Variants in SLC35F3 observed in about 807,000 individuals in gnomAD.
The protein encoded by SLC35F3 is putative thiamine transporter SLC35F3.
Under a neutral mutation model 49.9 loss-of-function variants are expected in SLC35F3, and 25 were observed. The ratio of observed to expected loss-of-function variants is 0.50; its 90% CI spans 0.37 to 0.70. SLC35F3 has a LOEUF of 0.70. SLC35F3 is among the 30% of genes least tolerant of loss of function. The probability of loss-of-function intolerance (pLI) is 0.00; values close to 1 mark genes in which losing one functional copy is unlikely to be tolerated. For synonymous variants in SLC35F3, 275 were observed against 265.4 expected (o/e 1.04, Z -0.35); for missense variants, 525 against 639.8 (o/e 0.82, Z 1.94).
intron 2 of SLC35F3, among the ~76,000 whole-genome samples, chr1:234,010,304 T>C (rs922783761): frequency 6.6e-6 from 1 of 152,190 alleles, no homozygotes; most frequent in East Asian, 1.9e-4. Context: ...TTATAAGATG[T>C]TTTATGTAAG....
intron 2 of SLC35F3, among the ~76,000 whole-genome samples, chr1:234,121,373 C>T (rs965610852): frequency 1.3e-4 from 20 of 151,614 alleles, no homozygotes; most frequent in African/African-American, 3.6e-4. Flanking sequence ...CTCCTGACCT[C>T]GTGATCCGCC....
chr1:233,972,196 G>A (rs1007671120), intron 2 of SLC35F3, among the ~76,000 whole-genome samples: 4 of 152,366 alleles, frequency 2.6e-5, no homozygotes, highest in African/African-American at 9.6e-5. Flanking sequence ...ATGAGCTTTG[G>A]TGTTAGACTG....
At chr1:234,259,433 G>A (rs1360329248) in intron 3 of SLC35F3, among the ~76,000 whole-genome samples, 1 of 152,118 alleles carries the variant, frequency 6.6e-6, no homozygotes, top group Admixed American at 6.5e-5. Flanking sequence ...CTGCTAAGTA[G>A]AAAGTTCCAG....
In SLC35F3 at chr1:234,093,705, G is replaced by A. The variant is rs578183860; in HGVS notation, c.284-137712G>A. ...AGTCTGTTTGTGCAGCTCCAGCCCCGGGCCCTGCCGGGGCATTCTCTGCCC... is the reference window on the plus strand; with the variant it reads ...AGTCTGTTTGTGCAGCTCCAGCCCCAGGCCCTGCCGGGGCATTCTCTGCCC... On this transcript the variant is annotated intron_variant, in intron 2 of 7. Coordinates refer to ENST00000366618, the MANE Select transcript of SLC35F3 (RefSeq NM_173508.4). Among the ~76,000 whole-genome samples, 10 of 152,298 alleles carry A rather than the reference G, an allele frequency of 6.6e-5. No homozygotes were observed. In the South Asian group the frequency reaches 2.1e-3, roughly 32 times the overall value.
Position 233,982,993 on chromosome 1 carries a change from G to A in SLC35F3, c.283+77235G>A, listed in dbSNP as rs534970067. ...GAGCAGGATATGACCAGGAGCAGGC[G>A]CGTGCCAGGTGTGTGCCAGGGGCAG... On this transcript the variant is annotated intron_variant, in intron 2 of 7. Transcript: ENST00000366618. Among the ~76,000 whole-genome samples the A allele has an allele frequency of 6.4e-4, 98 of 152,262 alleles. No homozygotes were observed. In the Middle Eastern group the frequency reaches 0.02, roughly 32 times the overall value.
At chr1:234,163,606 G>T (rs773905342) in intron 2 of SLC35F3, among the ~76,000 whole-genome samples, 1 of 152,200 alleles carries the variant, frequency 6.6e-6, no homozygotes, top group Non-Finnish European at 1.5e-5. Context: ...GGGCTGCTAT[G>T]CCTGTCCATT....
intron 2 of SLC35F3, among the ~76,000 whole-genome samples, chr1:233,999,244 T>A (rs1663510841): frequency 6.6e-6 from 1 of 152,144 alleles, no homozygotes; most frequent in Non-Finnish European, 1.5e-5. Context: ...ACTTAGAATA[T>A]AAACTCCAGG....
At chr1:234,250,199 C>T (rs1216893652) in intron 3 of SLC35F3, among the ~76,000 whole-genome samples, 1 of 152,178 alleles carries the variant, frequency 6.6e-6, no homozygotes, top group Non-Finnish European at 1.5e-5. Context: ...AAAAGAGATA[C>T]AATATGTGGA....
rs1350390323 is a variant in SLC35F3, at chr1:234,293,505, G to A, written c.609-15596G>A. ...GTCTCTGATCCGCATCACATGCAGG[G>A]CCAGGGAGCACACATTTAGATGGTT... On this transcript the variant is annotated intron_variant, in intron 3 of 7. Transcript: ENST00000366618. 3.3e-5 allele frequency among the ~76,000 whole-genome samples: 5 copies of A among 152,234 alleles called. 1 individual carries two copies. Among genetic ancestry groups the A allele is most frequent in the Non-Finnish European group, 7.3e-5 (5 of 68,044 alleles).
At chr1:234,047,354 A>G (rs1664306350) in intron 2 of SLC35F3, among the ~76,000 whole-genome samples, 1 of 152,226 alleles carries the variant, frequency 6.6e-6, no homozygotes. Flanking sequence ...AACTAACAGT[A>G]GACTGAGTAA....
At chr1:233,942,103 G>A (rs1044539167) in intron 2 of SLC35F3, among the ~76,000 whole-genome samples, 1 of 151,828 alleles carries the variant, frequency 6.6e-6, no homozygotes, top group African/African-American at 2.4e-5. Context: ...CGGGATTACA[G>A]GTGCCCGCCA....
intron 2 of SLC35F3, among the ~76,000 whole-genome samples, chr1:234,059,626 A>T (rs6683540): frequency 1.5e-3 from 46 of 31,010 alleles, no homozygotes; most frequent in Middle Eastern, 0.023. Context: ...CTAGACATAG[A>T]CATAGACATA....
At chr1:234,294,883 G>A (rs1013936295) in intron 3 of SLC35F3, among the ~76,000 whole-genome samples, 1 of 152,054 alleles carries the variant, frequency 6.6e-6, no homozygotes, top group African/African-American at 2.4e-5. Flanking sequence ...ATATTATGGG[G>A]GCAGATTTAC....
chr1:234,040,413 C>T lies in SLC35F3; in HGVS notation c.283+134655C>T, dbSNP rs555087131. 6.4e-4 allele frequency among the ~76,000 whole-genome samples: 97 copies of T among 152,316 alleles called. 1 individual carries two copies. Among genetic ancestry groups the T allele is most frequent in the African/African-American group, 2.2e-3 (91 of 41,584 alleles). On this transcript the variant is annotated intron_variant, in intron 2 of 7. Transcript: ENST00000366618. ...GAGGGCAAATAGGGATAGAAGTTCT[C>T]GCTTTGGGTCACAGGTTTCAGGCTT...
intron 2 of SLC35F3, among the ~76,000 whole-genome samples, chr1:233,961,057 G>A (rs2102811150): frequency 6.6e-6 from 1 of 152,004 alleles, no homozygotes; most frequent in South Asian, 2.1e-4. Context: ...ATAAATCCCT[G>A]AGCTCCCCAG....
In SLC35F3 at chr1:234,309,076, C is replaced by T. The variant is rs747538693; in HGVS notation, c.609-25C>T. On this transcript the variant is annotated intron_variant, in intron 3 of 7. Transcript: ENST00000366618. ...CTGTCTGAACCCAGGAAAATAATAA[C>T]GATGCCTCTCTTTCCTTGTTTTAGG... 1.4e-5 allele frequency: 23 copies of T among 1,592,908 alleles called. 1 individual carries two copies. Among genetic ancestry groups the T allele is most frequent in the South Asian group, 6.6e-5 (6 of 90,504 alleles).
chr1:233,905,910 G>GGC, intron 2 of SLC35F3, 152 bp downstream of exon 2: 1 of 703,868 alleles, frequency 1.4e-6, no homozygotes, highest in Non-Finnish European at 2.4e-6. Flanking sequence ...TCGAGGAAGA[G>GGC]GCCCGGAGAC....
At chr1:233,977,871 G>A (rs1203575638) in intron 2 of SLC35F3, among the ~76,000 whole-genome samples, 6 of 152,152 alleles carry the variant, frequency 3.9e-5, no homozygotes, top group African/African-American at 9.7e-5. Flanking sequence ...GTTTGGACTC[G>A]GTGAGTGGAT....
chr1:234,098,610 A>G (rs564592819), intron 2 of SLC35F3, among the ~76,000 whole-genome samples: 3 of 122,380 alleles, frequency 2.5e-5, no homozygotes, highest in South Asian at 5.6e-4. Flanking sequence ...TTATAGGGTG[A>G]TGGTGGTGAC....
Sources: gnomAD v4.1 joint callset for allele counts (sites outside exome capture counted in the v4.1 genomes callset) on GRCh38, gnomAD v4.1.1 for gene constraint, MANE v1.5 for transcripts, NCBI Gene and HGNC (gene_info 2026-07-23, HGNC 2026-07-21) for gene names.